Variants in IL15 observed in about 807,000 individuals in gnomAD.
IL15 encodes the protein interleukin-15.
Under a neutral mutation model 19.6 loss-of-function variants are expected in IL15, and 11 were observed. The ratio of observed to expected loss-of-function variants is 0.56; its 90% CI spans 0.35 to 0.93. The LOEUF (loss-of-function observed/expected upper bound fraction) is 0.93. IL15 is among the 40% of genes least tolerant of loss of function. The probability of loss-of-function intolerance (pLI) is 0.01; values close to 1 mark genes in which losing one functional copy is unlikely to be tolerated. For synonymous variants in IL15, 58 were observed against 59.6 expected, an observed-to-expected ratio of 0.97 and a Z score of 0.12; for missense variants, 197 against 186.5, an observed-to-expected ratio of 1.06 and a Z score of -0.33.
chr4:141,689,905 G>A (rs1728850242), intron 2 of IL15, among the ~76,000 whole-genome samples: 1 of 152,232 alleles, frequency 6.6e-6, no homozygotes, highest in African/African-American at 2.4e-5. Context: ...CCGTGGAGCA[G>A]GGGGCGGTGC....
intron 2 of IL15, among the ~76,000 whole-genome samples, chr4:141,706,004 A>T (rs1394612233): frequency 1.3e-5 from 2 of 151,910 alleles, no homozygotes; most frequent in Non-Finnish European, 2.9e-5. Context: ...TTAAAAATTC[A>T]TTCAGCCACT....
chr4:141,692,768 A>G (rs1390436360), intron 2 of IL15, among the ~76,000 whole-genome samples: 1 of 152,026 alleles, frequency 6.6e-6, no homozygotes, highest in Non-Finnish European at 1.5e-5. Context: ...GGTCAAAATT[A>G]TACAACAAGT....
At chr4:141,658,641 C>G (rs899165693) in intron 2 of IL15, among the ~76,000 whole-genome samples, 4 of 150,562 alleles carry the variant, frequency 2.7e-5, no homozygotes, top group Non-Finnish European at 5.9e-5. Flanking sequence ...TCAAGATAAA[C>G]AGTAGAATAA....
At chr4:141,654,445 A>G (rs982891449) in intron 1 of IL15, among the ~76,000 whole-genome samples, 5 of 152,268 alleles carry the variant, frequency 3.3e-5, no homozygotes, top group Admixed American at 6.5e-5. Flanking sequence ...AATGCTTATC[A>G]GTTCCTAGAG....
At chr4:141,676,545 G>C (rs568645217) in intron 2 of IL15, among the ~76,000 whole-genome samples, 20 of 152,306 alleles carry the variant, frequency 1.3e-4, no homozygotes, top group African/African-American at 4.8e-4. Flanking sequence ...GGTACTTTAT[G>C]GAAGGGATTG....
In IL15 at chr4:141,729,885, G is replaced by A. The variant is rs1342067896; in HGVS notation, c.279G>A (p.Leu93=). The A allele has an allele frequency of 1.9e-6, 3 of 1,582,664 alleles. No individual in the cohort carries two copies. The highest frequency in any genetic ancestry group is 2.2e-5 in the South Asian group (2 of 90,378). ...TAACAGCAATGAAGTGCTTTCTCTT[G>A]GAGTTACAAGTTATTTCACTTGAGT... ...CKVTAMKCFL[L]ELQVISLESG... Residue 93 remains leucine, a synonymous_variant, in exon 7 of 8, where the codon TTG becomes TTA. Coordinates refer to ENST00000320650, the MANE Select transcript of IL15 (RefSeq NM_000585.5).
chr4:141,669,085 G>A (rs1388685014), intron 2 of IL15, among the ~76,000 whole-genome samples: 1 of 152,068 alleles, frequency 6.6e-6, no homozygotes, highest in Non-Finnish European at 1.5e-5. Flanking sequence ...TAATTTAAAT[G>A]TCATTTAAAA....
At chr4:141,676,421 A>G (rs1300528989) in intron 2 of IL15, among the ~76,000 whole-genome samples, 1 of 152,060 alleles carries the variant, frequency 6.6e-6, no homozygotes, top group Non-Finnish European at 1.5e-5. Context: ...GCCACCCAGA[A>G]CTCCATGAAT....
intron 2 of IL15, among the ~76,000 whole-genome samples, chr4:141,659,263 C>T (rs1269776761): frequency 3.3e-5 from 5 of 150,400 alleles, no homozygotes; most frequent in African/African-American, 1.2e-4. Context: ...AATGCAATGG[C>T]GTGATCTTGG....
chr4:141,695,541 G>A (rs1345010767), intron 2 of IL15, among the ~76,000 whole-genome samples: 1 of 151,822 alleles, frequency 6.6e-6, no homozygotes, highest in African/African-American at 2.4e-5. Flanking sequence ...ATAAACATGG[G>A]ATTTCAGATA....
chr4:141,653,914 C>T (rs1272998997), intron 1 of IL15, among the ~76,000 whole-genome samples: 6 of 152,150 alleles, frequency 3.9e-5, no homozygotes. Flanking sequence ...TTGATTAACT[C>T]TGGGTATTTG....
chr4:141,684,740 G>A (rs1396304501), intron 2 of IL15, among the ~76,000 whole-genome samples: 1 of 152,058 alleles, frequency 6.6e-6, no homozygotes, highest in Non-Finnish European at 1.5e-5. Flanking sequence ...TCCATTTGCA[G>A]CAGTGTTGAT....
At chr4:141,717,821 C>T (rs116649025) in intron 2 of IL15, 17,485 of 151,940 alleles carry the variant, frequency 0.12, 1,104 homozygotes, top group Non-Finnish European at 0.15. Flanking sequence ...CTATCACACC[C>T]GGCTGATTTT....
At chr4:141,668,120 T>C (rs1458221089) in intron 2 of IL15, among the ~76,000 whole-genome samples, 2 of 151,806 alleles carry the variant, frequency 1.3e-5, no homozygotes, top group Non-Finnish European at 2.9e-5. Context: ...AATCACTGTA[T>C]AATTTTATTA....
intron 4 of IL15, chr4:141,721,275 T>A (rs1031252127): frequency 1.4e-6 from 1 of 697,936 alleles, no homozygotes; most frequent in Non-Finnish European, 2.6e-6. Context: ...GCTCTAAGCA[T>A]CATTCCAATG....
chr4:141,673,232 G>T (rs1272662351), intron 2 of IL15, among the ~76,000 whole-genome samples: 1 of 152,094 alleles, frequency 6.6e-6, no homozygotes, highest in Non-Finnish European at 1.5e-5. Flanking sequence ...TCTCATTTTT[G>T]AATCAGGACT....
intron 7 of IL15, among the ~76,000 whole-genome samples, chr4:141,732,133 A>G (rs1014890842): frequency 1.3e-5 from 2 of 152,168 alleles, no homozygotes; most frequent in African/African-American, 2.4e-5. Flanking sequence ...GGTCTAAATA[A>G]GGGGTTCTGA....
intron 6 of IL15, among the ~76,000 whole-genome samples, chr4:141,729,243 A>C (rs1730370714): frequency 1.3e-5 from 2 of 152,144 alleles, no homozygotes. Context: ...TCAAATCCCT[A>C]GATATTCCTT....
chr4:141,696,420 T>C (rs1219274023), intron 2 of IL15, among the ~76,000 whole-genome samples: 1 of 152,138 alleles, frequency 6.6e-6, no homozygotes, highest in African/African-American at 2.4e-5. Context: ...GGGTGTTTAG[T>C]AGTTCCACAT....
Sources: allele counts gnomAD v4.1 joint callset (sites outside exome capture counted in the v4.1 genomes callset), GRCh38; gene constraint gnomAD v4.1.1; transcripts MANE v1.5; gene names NCBI Gene and HGNC (gene_info 2026-07-23, HGNC 2026-07-21).